WWOX: variants seen among roughly 807,000 people sequenced by gnomAD.
The protein encoded by WWOX is WW domain containing oxidoreductase, also known as WW domain-containing oxidoreductase.
Under a neutral mutation model 46.2 loss-of-function variants are expected in WWOX, and 69 were observed. The ratio of observed to expected loss-of-function variants is 1.49; its 90% CI spans 1.23 to 1.82. The LOEUF is 1.82. WWOX is among the 40% of genes most tolerant of loss of function. WWOX has a pLI of 0.00. For missense variants in WWOX, 919 were observed against 542.6 expected (o/e 1.69, Z -6.89); for synonymous variants, 359 against 202.6 (o/e 1.77, Z -6.56).
intron 8 of WWOX, among the ~76,000 whole-genome samples, chr16:79,207,859 A>G (rs1379313634): frequency 6.6e-6 from 1 of 151,976 alleles, no homozygotes; most frequent in African/African-American, 2.4e-5. Context: ...GTCAATATGC[A>G]TTTGTATTCT....
chr16:79,029,573 G>GT (rs2047713114), intron 8 of WWOX, among the ~76,000 whole-genome samples: 1 of 152,074 alleles, frequency 6.6e-6, no homozygotes, highest in Non-Finnish European at 1.5e-5. Context: ...TATAAAAACT[G>GT]TTTTTCTATA....
intron 5 of WWOX, among the ~76,000 whole-genome samples, chr16:78,195,150 A>C (rs12446984): frequency 0.27 from 40,735 of 151,792 alleles, 5,873 homozygotes; most frequent in East Asian, 0.43. Flanking sequence ...CTGGTACTTC[A>C]CCCTGGAGAG....
chr16:78,227,178 C>G (rs994392703), intron 5 of WWOX, among the ~76,000 whole-genome samples: 2 of 152,202 alleles, frequency 1.3e-5, no homozygotes, highest in Non-Finnish European at 2.9e-5. Flanking sequence ...GTTCATTACT[C>G]TTTTTTATCC....
chr16:78,621,915 A>C (rs2046199249), intron 8 of WWOX, among the ~76,000 whole-genome samples: 2 of 151,792 alleles, frequency 1.3e-5, no homozygotes, highest in African/African-American at 4.8e-5. Context: ...TTCTTGTTTT[A>C]ATCTTTTAGA....
intron 8 of WWOX, among the ~76,000 whole-genome samples, chr16:78,617,744 G>T (rs1027205928): frequency 6.6e-6 from 1 of 152,148 alleles, no homozygotes; most frequent in Non-Finnish European, 1.5e-5. Flanking sequence ...TCTTTTCTGT[G>T]CCATCTTGGG....
intron 8 of WWOX, among the ~76,000 whole-genome samples, chr16:78,976,403 G>T (rs1405416042): frequency 1.3e-5 from 2 of 152,222 alleles, no homozygotes; most frequent in Admixed American, 6.5e-5. Context: ...CAGAGTCTCA[G>T]ATTCGGAGCA....
chr16:78,460,841 G>T (rs1466935970), intron 8 of WWOX, among the ~76,000 whole-genome samples: 1 of 152,232 alleles, frequency 6.6e-6, no homozygotes, highest in African/African-American at 2.4e-5. Flanking sequence ...AGTTTGCTCT[G>T]TTACGTGAGG....
At chr16:78,271,212 C>G (rs146783446) in intron 5 of WWOX, among the ~76,000 whole-genome samples, 15 of 152,052 alleles carry the variant, frequency 9.9e-5, no homozygotes, top group Non-Finnish European at 1.9e-4. Context: ...GTATGTTATC[C>G]CATTCACAGA....
intron 4 of WWOX, among the ~76,000 whole-genome samples, chr16:78,162,123 G>A (rs117641681): frequency 0.015 from 2,235 of 152,216 alleles, 21 homozygotes; most frequent in Non-Finnish European, 0.021. Context: ...GGGTCTATAC[G>A]TGACACTAGG....
chr16:79,043,948 TGTC>T (rs1237697911), intron 8 of WWOX, among the ~76,000 whole-genome samples: 1 of 152,178 alleles, frequency 6.6e-6, no homozygotes, highest in African/African-American at 2.4e-5. Flanking sequence ...TCTGGTCACT[TGTC>T]TTCTGTGGTT....
At chr16:78,152,601 G>A (rs538483263) in intron 4 of WWOX, among the ~76,000 whole-genome samples, 1 of 152,304 alleles carries the variant, frequency 6.6e-6, no homozygotes, top group East Asian at 1.9e-4. Context: ...CTGTCTGCAT[G>A]TGCCTGTCTA....
At chr16:78,958,853 T>C (rs1457887622) in intron 8 of WWOX, among the ~76,000 whole-genome samples, 1 of 152,158 alleles carries the variant, frequency 6.6e-6, no homozygotes, top group Non-Finnish European at 1.5e-5. Context: ...AATTCTTCCT[T>C]TGATTCAAAA....
intron 8 of WWOX, among the ~76,000 whole-genome samples, chr16:78,484,727 A>G (rs1305389401): frequency 1.3e-5 from 2 of 152,214 alleles, no homozygotes; most frequent in African/African-American, 4.8e-5. Context: ...TCTCTCTCCC[A>G]AAATGAAATA....
intron 8 of WWOX, among the ~76,000 whole-genome samples, chr16:78,669,431 T>A (rs1276374188): frequency 3.9e-5 from 6 of 152,194 alleles, no homozygotes; most frequent in Non-Finnish European, 7.3e-5. Flanking sequence ...TCTGGGATAT[T>A]TTTTAGTTGT....
At chr16:79,051,029 G>T (rs1045239044) in intron 8 of WWOX, among the ~76,000 whole-genome samples, 1 of 152,152 alleles carries the variant, frequency 6.6e-6, no homozygotes, top group African/African-American at 2.4e-5. Flanking sequence ...GCCCATTAAC[G>T]CTTATAGCAG....
chr16:79,201,631 T>C (rs2051354193), intron 8 of WWOX, among the ~76,000 whole-genome samples: 1 of 152,218 alleles, frequency 6.6e-6, no homozygotes, highest in Admixed American at 6.5e-5. Flanking sequence ...TTTCCAACCA[T>C]TAAAAAGTTT....
chr16:78,868,825 C>T (rs1597083960), intron 8 of WWOX, among the ~76,000 whole-genome samples: 1 of 152,202 alleles, frequency 6.6e-6, no homozygotes, highest in Non-Finnish European at 1.5e-5. Context: ...GAAAGACCTG[C>T]AGCTCTTCTA....
At chr16:78,550,964 G>C (rs2044159092) in intron 8 of WWOX, 1 of 152,120 alleles carries the variant, frequency 6.6e-6, no homozygotes, top group African/African-American at 2.4e-5. Context: ...ACTGTCTTTT[G>C]AAGAAAGACA....
chr16:78,363,521 T>G (rs2081460171), intron 5 of WWOX, among the ~76,000 whole-genome samples: 1 of 152,126 alleles, frequency 6.6e-6, no homozygotes, highest in African/African-American at 2.4e-5. Context: ...TCAACTGATC[T>G]TCCCAGCTTG....
Sources: allele counts gnomAD v4.1 joint callset (sites outside exome capture counted in the v4.1 genomes callset), GRCh38; gene constraint gnomAD v4.1.1; transcripts MANE v1.5; gene names NCBI Gene and HGNC (gene_info 2026-07-23, HGNC 2026-07-21).